Variants in PIR observed in about 807,000 individuals in gnomAD.
PIR encodes the protein pirin, also known as pirin (iron-binding nuclear protein).
In PIR, 22 loss-of-function variants were observed where a neutral mutation model predicts 24.2. That is an observed-to-expected ratio of 0.91 (90% CI 0.65 to 1.30). The LOEUF is 1.30. Ranked by LOEUF, PIR falls within the 50% of genes most tolerant of loss-of-function variation. The probability of loss-of-function intolerance (pLI) is 0.00; values close to 1 mark genes in which losing one functional copy is unlikely to be tolerated. For missense variants in PIR, 220 were observed against 220.3 expected, an observed-to-expected ratio of 1.00 and a Z score of 0.01; for synonymous variants, 80 against 79.6, an observed-to-expected ratio of 1.00 and a Z score of -0.03.
At chrX:15,478,993 G>A (rs1399631600) in intron 3 of PIR, among the ~76,000 whole-genome samples, 4 of 112,421 alleles carry the variant, frequency 3.6e-5, no homozygotes, top group Non-Finnish European at 7.5e-5. Flanking sequence ...TAACTAGGAA[G>A]TAACGATCCC....
intron 8 of PIR, among the ~76,000 whole-genome samples, chrX:15,394,128 AC>A (rs1424437191): frequency 3.6e-5 from 4 of 110,493 alleles, no homozygotes; most frequent in Non-Finnish European, 7.6e-5. Context: ...GTGATATATT[AC>A]CTGAAAAAAA....
At chrX:15,486,781 G>C (rs867020981) in intron 2 of PIR, among the ~76,000 whole-genome samples, 1 of 112,125 alleles carries the variant, frequency 8.9e-6, no homozygotes, top group South Asian at 3.8e-4. Context: ...TATGACCTAG[G>C]ATAGAATGAA....
intron 5 of PIR, among the ~76,000 whole-genome samples, chrX:15,454,193 G>A (rs771986529): frequency 9.0e-6 from 1 of 111,363 alleles, no homozygotes; most frequent in South Asian, 3.8e-4. Flanking sequence ...GTCCTCACAG[G>A]ATCTTAACCC....
chrX:15,401,029 G>A (rs937414331), intron 7 of PIR, among the ~76,000 whole-genome samples: 1 of 109,175 alleles, frequency 9.2e-6, no homozygotes, highest in Non-Finnish European at 1.9e-5. Flanking sequence ...GAGCCACCGC[G>A]CCCTGCTGTA....
chrX:15,453,025 T>C (rs1920983093), intron 5 of PIR, among the ~76,000 whole-genome samples: 1 of 111,998 alleles, frequency 8.9e-6, no homozygotes, highest in African/African-American at 3.2e-5. Context: ...CAATCTTCAG[T>C]TTCTTTTTAT....
chrX:15,462,848 C>G (rs1921367848), intron 3 of PIR, among the ~76,000 whole-genome samples: 1 of 112,124 alleles, frequency 8.9e-6, no homozygotes, highest in Admixed American at 9.5e-5. Context: ...CAACAACATT[C>G]ATTGAACAAA....
At chrX:15,387,073 CTTTTTTTTTTTTT>C (rs764572854) in intron 9 of PIR, among the ~76,000 whole-genome samples, 3 of 12,697 alleles carry the variant, frequency 2.4e-4, no homozygotes, top group Non-Finnish European at 4.5e-4. Context: ...CTTTTCTTTT[CTTTTTTTTTTTTT>C]TTTTTTTTTT....
intron 8 of PIR, among the ~76,000 whole-genome samples, chrX:15,390,774 C>T (rs1038472374): frequency 3.6e-5 from 4 of 111,554 alleles, no homozygotes; most frequent in Admixed American, 2.9e-4. Context: ...GGTCCTATTA[C>T]GTTAAAGTCT....
At chrX:15,480,450 A>T (rs1922443827) in intron 2 of PIR, among the ~76,000 whole-genome samples, 1 of 112,405 alleles carries the variant, frequency 8.9e-6, no homozygotes, top group Non-Finnish European at 1.9e-5. Context: ...CTAAGATATA[A>T]ATAGTCAAGT....
intron 6 of PIR, among the ~76,000 whole-genome samples, chrX:15,424,902 G>C (rs1400964018): frequency 9.0e-6 from 1 of 110,531 alleles, no homozygotes; most frequent in Non-Finnish European, 1.9e-5. Context: ...GGGAGGCTGA[G>C]GCAAGAGGAT....
chrX:15,412,958 T>A (rs1315830724), intron 6 of PIR, among the ~76,000 whole-genome samples: 10 of 112,292 alleles, frequency 8.9e-5, no homozygotes, highest in Non-Finnish European at 5.6e-5. Context: ...TTTGCTGGTT[T>A]GTAAAATAAG....
chrX:15,430,903 T>C (rs952418909), intron 5 of PIR, among the ~76,000 whole-genome samples: 3 of 112,084 alleles, frequency 2.7e-5, no homozygotes, highest in African/African-American at 9.7e-5. Flanking sequence ...AGATAACTGC[T>C]GCCCATTGAT....
intron 3 of PIR, among the ~76,000 whole-genome samples, chrX:15,461,575 G>A (rs1319988510): frequency 8.9e-6 from 1 of 112,286 alleles, no homozygotes; most frequent in East Asian, 2.8e-4. Flanking sequence ...GAGGTCAGGA[G>A]TTCAAGACCA....
intron 6 of PIR, among the ~76,000 whole-genome samples, chrX:15,413,715 A>G (rs1314674688): frequency 8.9e-6 from 1 of 112,550 alleles, no homozygotes; most frequent in African/African-American, 3.2e-5. Context: ...AGTGACACCA[A>G]TAATAAAATG....
At chrX:15,475,304 T>C (rs1485280380) in intron 3 of PIR, among the ~76,000 whole-genome samples, 2 of 111,657 alleles carry the variant, frequency 1.8e-5, no homozygotes, top group Non-Finnish European at 3.8e-5. Flanking sequence ...TTTGTTCTCG[T>C]GAACAAAATC....
intron 2 of PIR, among the ~76,000 whole-genome samples, chrX:15,487,891 T>C (rs759775473): frequency 8.9e-6 from 1 of 112,548 alleles, no homozygotes; most frequent in Non-Finnish European, 1.9e-5. Context: ...GCTGTGAATA[T>C]TGAGTGCTGT....
At chrX:15,486,298 C>CAAAA (rs59774013) in intron 2 of PIR, among the ~76,000 whole-genome samples, 4 of 39,703 alleles carry the variant, frequency 1.0e-4, no homozygotes, top group South Asian at 1.2e-3. Context: ...GACTCTGTCT[C>CAAAA]AAAAAAAAAA....
intron 3 of PIR, among the ~76,000 whole-genome samples, chrX:15,468,232 G>A (rs1156352255): frequency 3.6e-5 from 4 of 112,279 alleles, no homozygotes; most frequent in Non-Finnish European, 5.6e-5. Flanking sequence ...CCTATGTCTC[G>A]CCAACAGATC....
intron 8 of PIR, 102 bp from the exon 9 acceptor site, chrX:15,390,353 C>T (rs1163356261): frequency 4.6e-6 from 2 of 434,418 alleles, no homozygotes; most frequent in Non-Finnish European, 7.7e-6. Flanking sequence ...AGGCGATGTT[C>T]CTAATTCTGA....
Sources: gnomAD v4.1 joint callset for allele counts (sites outside exome capture counted in the v4.1 genomes callset) on GRCh38, gnomAD v4.1.1 for gene constraint, MANE v1.5 for transcripts, NCBI Gene and HGNC (gene_info 2026-07-23, HGNC 2026-07-21) for gene names.